NPAS3: variants seen among roughly 807,000 people sequenced by gnomAD.
NPAS3 encodes neuronal PAS domain protein 3, also known as neuronal PAS domain-containing protein 3.
In NPAS3, 14 loss-of-function variants were observed where a neutral mutation model predicts 73.1. The ratio of observed to expected loss-of-function variants is 0.19; its 90% CI spans 0.13 to 0.30. The LOEUF (loss-of-function observed/expected upper bound fraction) is 0.30, where lower values mean the gene tolerates loss of function less well. Ranked by LOEUF, NPAS3 falls within the 10% of genes least tolerant of loss-of-function variation. The pLI, the probability that NPAS3 is intolerant of heterozygous loss-of-function variation, is 1.00. For missense variants in NPAS3, 1,096 were observed against 1,250.0 expected (o/e 0.88, Z 1.86); for synonymous variants, 620 against 541.5 (o/e 1.14, Z -2.01).
intron 2 of NPAS3, among the ~76,000 whole-genome samples, chr14:33,189,874 C>T (rs7147316): frequency 6.4e-4 from 98 of 152,074 alleles, no homozygotes; most frequent in African/African-American, 2.2e-3. Context: ...TTTTCATTAT[C>T]GATACATATA....
At chr14:33,607,216 A>G (rs1318394160) in intron 5 of NPAS3, among the ~76,000 whole-genome samples, 1 of 152,246 alleles carries the variant, frequency 6.6e-6, no homozygotes, top group African/African-American at 2.4e-5. Flanking sequence ...AAATTTGCCA[A>G]TGAATGTTCA....
intron 1 of NPAS3, among the ~76,000 whole-genome samples, chr14:32,993,897 G>T (rs2038445496): frequency 6.6e-6 from 1 of 152,134 alleles, no homozygotes; most frequent in African/African-American, 2.4e-5. Context: ...ATCTTTCCAG[G>T]TCTTTTTGGC....
intron 1 of NPAS3, among the ~76,000 whole-genome samples, chr14:32,965,534 A>C (rs2037115866): frequency 6.6e-6 from 1 of 152,190 alleles, no homozygotes; most frequent in Non-Finnish European, 1.5e-5. Flanking sequence ...ACCCTAAACA[A>C]ATCAGGTATA....
At chr14:33,658,032 G>A (rs1313578716) in intron 5 of NPAS3, among the ~76,000 whole-genome samples, 4 of 152,234 alleles carry the variant, frequency 2.6e-5, no homozygotes, top group Admixed American at 2.0e-4. Context: ...CAGCCCGAAA[G>A]GGCAGCAAGC....
intron 4 of NPAS3, among the ~76,000 whole-genome samples, chr14:33,502,752 T>G (rs1336692680): frequency 1.3e-5 from 2 of 151,972 alleles, no homozygotes; most frequent in African/African-American, 4.8e-5. Flanking sequence ...CTTCTCCTAG[T>G]TTCCTTCTCT....
At chr14:33,585,387 G>A (rs559809568) in intron 5 of NPAS3, among the ~76,000 whole-genome samples, 2 of 152,278 alleles carry the variant, frequency 1.3e-5, no homozygotes, top group South Asian at 2.1e-4. Context: ...ACCAGCAGTC[G>A]AGAATCTGGG....
chr14:33,800,688 A>C lies in NPAS3; in HGVS notation c.2381A>C (p.Gln794Pro). ...TACACTGGGGACCTGGAGGCGCTGC[A>C]GAGGTTGCAGGCGGGCAACGTCGTG... The change falls in exon 12 of 12, where the codon CAG (glutamine) becomes CCG (proline). Residue 794 changes from glutamine to proline, a missense_variant. Around this residue, in one of 5 missense-constraint regions of NPAS3, gnomAD observed 698 missense variants for 676.7 expected, o/e 1.03. Transcript: ENST00000356141. The surrounding 1 kb of genome is among the most constrained non-coding windows in gnomAD (Gnocchi z 6.5). 1.3e-6 allele frequency: 2 copies of C among 1,546,136 alleles called. No homozygotes were observed. Among genetic ancestry groups the C allele is most frequent in the African/African-American group, 1.4e-5 (1 of 73,224 alleles).
chr14:33,512,724 C>T (rs8012701), intron 4 of NPAS3, among the ~76,000 whole-genome samples: 91,622 of 151,752 alleles, frequency 0.6, 27,828 homozygotes, highest in South Asian at 0.74. Flanking sequence ...CTGCATTTTC[C>T]ATAGCCTCTG....
In NPAS3 at chr14:33,699,839, C is replaced by T. The variant is rs116446297; in HGVS notation, c.733+23454C>T. Among the ~76,000 whole-genome samples the T allele has an allele frequency of 9.6e-3, 1,455 of 152,172 alleles. 22 individuals are homozygous for T. Among genetic ancestry groups the T allele is most frequent in the African/African-American group, 0.033 (1,353 of 41,498 alleles). On this transcript the variant is annotated intron_variant, in intron 6 of 11. Coordinates refer to ENST00000356141, the Ensembl canonical transcript of NPAS3. ...AACCCGTACACGGCACAGCTAATGA[C>T]CTGTTTTAGGGGCACAGCTCATATA...
rs778535422 is a variant in NPAS3 at position 33,778,450 on chromosome 14, G to GTTC, written c.1047-11_1047-9dup. On this transcript the variant is annotated splice_polypyrimidine_tract_variant and intron_variant, in intron 8 of 11. Transcript: ENST00000356141. ...TCCTCCTTTCTGAATTCCAGCCTGT[G>GTTC]TTCTTCTCTTTGTAGGATTAGTGAT... The GTTC allele has an allele frequency of 6.5e-7, 1 of 1,541,384 alleles. No individual in the cohort carries two copies. The highest frequency in any genetic ancestry group is 9.0e-7 in the Non-Finnish European group (1 of 1,113,940).
At chr14:33,765,446 A>G (rs2062431397) in intron 7 of NPAS3, among the ~76,000 whole-genome samples, 1 of 152,104 alleles carries the variant, frequency 6.6e-6, no homozygotes, top group South Asian at 2.1e-4. Context: ...GGGGATTGGC[A>G]GAGCTCAGCC....
chr14:33,359,075 T>A (rs993143390), intron 3 of NPAS3, among the ~76,000 whole-genome samples: 3 of 152,080 alleles, frequency 2.0e-5, no homozygotes, highest in Admixed American at 2.0e-4. Context: ...TTACTGAGCA[T>A]AATACCAAGA....
chr14:33,632,215 C>T (rs960784368), intron 5 of NPAS3, among the ~76,000 whole-genome samples: 3 of 152,148 alleles, frequency 2.0e-5, no homozygotes, highest in African/African-American at 4.8e-5. Context: ...TTAAGCGTGT[C>T]AACTTTAGCC....
intron 3 of NPAS3, among the ~76,000 whole-genome samples, chr14:33,230,666 G>GA (rs1271346868): frequency 1.3e-5 from 2 of 152,148 alleles, no homozygotes; most frequent in Non-Finnish European, 2.9e-5. Flanking sequence ...TATTTTAAGA[G>GA]AACACAGTAA....
chr14:33,663,060 C>T (rs2059354697), intron 5 of NPAS3, among the ~76,000 whole-genome samples: 1 of 151,748 alleles, frequency 6.6e-6, no homozygotes, highest in Admixed American at 6.6e-5. Flanking sequence ...TATTTGAATA[C>T]CCTTTATTTT....
chr14:33,172,179 A>C (rs2045416247), intron 2 of NPAS3, among the ~76,000 whole-genome samples: 1 of 152,234 alleles, frequency 6.6e-6, no homozygotes, highest in African/African-American at 2.4e-5. Context: ...AAAATGTGAC[A>C]CAAAGACATG....
At chr14:33,268,440 G>A (rs2040917103) in intron 3 of NPAS3, among the ~76,000 whole-genome samples, 5 of 152,164 alleles carry the variant, frequency 3.3e-5, no homozygotes, top group African/African-American at 9.6e-5. Flanking sequence ...CCTTTATTCT[G>A]TGGTTTCTCA....
intron 11 of NPAS3, among the ~76,000 whole-genome samples, chr14:33,798,119 C>G (rs2063567543): frequency 6.6e-6 from 1 of 152,120 alleles, no homozygotes; most frequent in Non-Finnish European, 1.5e-5. Context: ...TTCACATTCC[C>G]ACCAAGCTGG....
At chr14:33,063,944 A>G (rs1483240933) in intron 2 of NPAS3, among the ~76,000 whole-genome samples, 4 of 152,234 alleles carry the variant, frequency 2.6e-5, no homozygotes, top group East Asian at 1.9e-4. Context: ...CATAATGACT[A>G]TGGAGATGTT....
Sources: allele counts gnomAD v4.1 joint callset (sites outside exome capture counted in the v4.1 genomes callset), GRCh38; gene constraint gnomAD v4.1.1; regional missense constraint gnomAD v4.1.1; non-coding constraint Gnocchi (gnomAD v3.1); transcripts MANE v1.5; gene names NCBI Gene and HGNC (gene_info 2026-07-23, HGNC 2026-07-21).